The following GIP variants were observed in gnomAD, a reference collection of about 807,000 sequenced individuals.
GIP encodes glucose-dependent insulinotropic polypeptide.
A neutral mutation model predicts 18.1 loss-of-function variants in GIP; 16 were observed. The ratio of observed to expected loss-of-function variants is 0.88; its 90% CI spans 0.60 to 1.34. The LOEUF (loss-of-function observed/expected upper bound fraction) is 1.34, where lower values mean the gene tolerates loss of function less well. Ranked by LOEUF, GIP falls within the 40% of genes most tolerant of loss-of-function variation. The pLI is 0.00. For synonymous variants in GIP, 76 were observed against 74.0 expected, an observed-to-expected ratio of 1.03 and a Z score of -0.14; for missense variants, 192 against 183.4, an observed-to-expected ratio of 1.05 and a Z score of -0.27.
chr17:48,967,396 G>C, intron 1 of GIP, 143 bp from the exon 2 acceptor site: 2 of 556,724 alleles, frequency 3.6e-6, no homozygotes, highest in Admixed American at 3.2e-5. Flanking sequence ...GTCTCGCTCT[G>C]TCGTCCAGGT....
At position 48,961,784 on chromosome 17, in the gene GIP, G is replaced by A. The variant is rs762569609; in HGVS notation, c.293C>T (p.Ala98Val). ...ATTAGCTTGACTGGCCAGCTCCAGC[G>A]CCCGAGCCTCCCTCTGGGTGATGTT... is the stretch of plus-strand genomic sequence containing the variant. ...KHNITQREAR[A>V]LELASQANRK... Residue 98 changes from alanine to valine, a missense_variant, in exon 4 of 6, where the codon GCG (alanine) becomes GTG (valine). By Grantham distance (64) the Ala-to-Val change is moderately conservative. Coordinates refer to ENST00000357424, the MANE Select transcript of GIP (RefSeq NM_004123.3). 1.2e-5 allele frequency: 19 copies of A among 1,612,888 alleles called. No individual in the cohort carries two copies. Among genetic ancestry groups the A allele is most frequent in the Non-Finnish European group, 8.5e-6 (10 of 1,179,694 alleles).
intron 2 of GIP, among the ~76,000 whole-genome samples, chr17:48,966,709 A>G (rs1277440899): frequency 6.6e-6 from 1 of 152,096 alleles, no homozygotes; most frequent in Non-Finnish European, 1.5e-5. Flanking sequence ...CGGGAGGCTG[A>G]GATGGGAAGA....
rs1316012814 is a variant in GIP, at chr17:48,960,903, T to C, written c.435A>G (p.Thr145=). 1 of 1,601,568 alleles carries C rather than the reference T, an allele frequency of 6.2e-7. No homozygotes were observed. The highest frequency in any genetic ancestry group is 1.1e-5 in the South Asian group (1 of 88,496). ...TCCCCTACCTGAGCCTGCAGAGGTT[T>C]GTCTGATCCAGCAAGCAGGCCAACA... is the stretch of plus-strand genomic sequence containing the variant. ...QELLACLLDQ[T]NLCRLRSR Residue 145 remains threonine (T), a synonymous_variant, in exon 5 of 6, where the codon ACA becomes ACG. Transcript: ENST00000357424.
In GIP at chr17:48,958,684, TCCTGAGCTGGGTGTGGTCAGAGTCA is replaced by T. The variant is rs1188246922; in HGVS notation, c.460_*22del. On this transcript the variant is annotated stop_lost and 3_prime_UTR_variant, in exon 6 of 6. Transcript: ENST00000357424. ...GTGCTAAGTGAAGGGCAGAATCCAG[TCCTGAGCTGGGTGTGGTCAGAGTCA>T]CCGAGACCTGGGGAGAGTGGGGAAA... The T allele has an allele frequency of 1.9e-6, 3 of 1,574,438 alleles. No homozygotes were observed. In the African/African-American group the frequency reaches 4.1e-5, roughly 21 times the overall value.
chr17:48,962,932 G>C (rs568422061), intron 3 of GIP, among the ~76,000 whole-genome samples: 1 of 150,780 alleles, frequency 6.6e-6, no homozygotes, highest in Non-Finnish European at 1.5e-5. Flanking sequence ...GTGAAGCCCC[G>C]TCTCTACTAA....
intron 3 of GIP, among the ~76,000 whole-genome samples, chr17:48,963,934 C>T (rs2041216515): frequency 6.9e-6 from 1 of 145,346 alleles, no homozygotes; most frequent in Admixed American, 7.0e-5. Context: ...GCAGGTGGAT[C>T]ACGAGGTCAG....
In GIP at chr17:48,964,366, C is replaced by G; in HGVS notation, c.201G>C (p.Lys67Asn). 6.2e-7 allele frequency: 1 copy of G among 1,613,888 alleles called. No homozygotes were observed. The highest frequency in any genetic ancestry group is 8.5e-7 in the Non-Finnish European group (1 of 1,179,864). ...AGTTCACAAAGTCTTGTTGGTGAAT[C>G]TTGTCCATGGCAATACTGTAGTCAC... ...FISDYSIAMDKIHQQDFVNWL... is the reference protein window; with the variant it reads ...FISDYSIAMDNIHQQDFVNWL... Residue 67 changes from lysine to asparagine, a missense_variant, in exon 3 of 6, where the codon AAG becomes AAC. Transcript: ENST00000357424.
chr17:48,967,826 C>A (rs879764748), intron 1 of GIP, among the ~76,000 whole-genome samples: 7 of 149,606 alleles, frequency 4.7e-5, no homozygotes, highest in South Asian at 2.1e-4. Flanking sequence ...CCCAGGTGGG[C>A]GGATCACTTG....
chr17:48,963,096 A>G (rs955148427), intron 3 of GIP, among the ~76,000 whole-genome samples: 6 of 250 alleles, frequency 0.024, no homozygotes, highest in Admixed American at 0.12. Context: ...GACAGAGCAA[A>G]AAAAATCCGT....
rs2041181440 is a variant in GIP at position 48,958,623 on chromosome 17, G to T, written c.*84C>A. On this transcript the variant is annotated 3_prime_UTR_variant, in exon 6 of 6. Coordinates refer to ENST00000357424, the MANE Select transcript of GIP (RefSeq NM_004123.3). ...ACTTAGCATAAACTTTATTGGTTTGGGTTCTCTTGGCTATTCTGGAGTGGG... is the reference window on the plus strand; with the variant it reads ...ACTTAGCATAAACTTTATTGGTTTGTGTTCTCTTGGCTATTCTGGAGTGGG... 9.2e-7 allele frequency: 1 copy of T among 1,092,074 alleles called. No individual in the cohort carries two copies. The highest frequency in any genetic ancestry group is 1.4e-6 in the Non-Finnish European group (1 of 731,740). The allele number at this position is 1,092,074 out of a possible 1,614,324, so 67.6% of individuals were successfully genotyped here. A position where few individuals can be genotyped will look rare whatever the true frequency, so the allele number is the denominator to read the frequency against.
At position 48,962,454 on chromosome 17, in the gene GIP, C is replaced by T. The variant is rs527513249; in HGVS notation, c.258-635G>A. Among the ~76,000 whole-genome samples, 122 of 151,466 alleles carry T rather than the reference C, an allele frequency of 8.1e-4. 1 individual carries two copies. The highest frequency in any genetic ancestry group is 2.9e-3 in the African/African-American group (118 of 41,246). ...TGCAATCTCAGCTCACTGCAACGTC[C>T]GCCTCCAGGGTTCAAGCAATTCTCA... On this transcript the variant is annotated intron_variant, in intron 3 of 5. Transcript: ENST00000357424.
In GIP at chr17:48,967,154, G is replaced by A; in HGVS notation, c.79C>T (p.His27Tyr). ...TCCTCTCACCACTCCTACCTGAAGT[G>A]ACCCTCTTTCTTCTCTCCTAGTCCC... is the stretch of plus-strand genomic sequence containing the variant. ...AVGLGEKKEG[H>Y]FSALPSLPVG... is the part of the protein sequence containing the mutation. Residue 27 changes from histidine (H) to tyrosine (Y), a missense_variant, in exon 2 of 6, where the codon CAC (histidine) becomes TAC (tyrosine). His to Tyr is a moderately conservative substitution (Grantham distance 83). Coordinates refer to ENST00000357424, the MANE Select transcript of GIP (RefSeq NM_004123.3). 6.2e-7 allele frequency: 1 copy of A among 1,611,130 alleles called. No individual in the cohort carries two copies. Among genetic ancestry groups the A allele is most frequent in the Non-Finnish European group, 8.5e-7 (1 of 1,177,478 alleles).
At chr17:48,967,284 G>T in intron 1 of GIP, 31 bp from the exon 2 acceptor site, 1 of 1,442,524 alleles carries the variant, frequency 6.9e-7, no homozygotes, top group Non-Finnish European at 9.8e-7. Context: ...GACATGTTGA[G>T]AGAGCAACCA....
At chr17:48,965,161 C>T (rs1189025384) in intron 2 of GIP, among the ~76,000 whole-genome samples, 1 of 121,018 alleles carries the variant, frequency 8.3e-6, no homozygotes, top group Non-Finnish European at 1.7e-5. Flanking sequence ...ATTAGCCAGG[C>T]GTGGTGGCAC....
chr17:48,961,876 CTT>C (rs1182843042), intron 3 of GIP, 57 bp from the exon 4 acceptor site: 26 of 1,248,546 alleles, frequency 2.1e-5, no homozygotes, highest in Non-Finnish European at 3.0e-5. Flanking sequence ...TCTAGGGACA[CTT>C]GAATCTTTTA....
chr17:48,965,401 G>A (rs1426056306), intron 2 of GIP, among the ~76,000 whole-genome samples: 2 of 149,720 alleles, frequency 1.3e-5, no homozygotes, highest in Admixed American at 6.7e-5. Flanking sequence ...TCAGGAGATT[G>A]AGACCATCCT....
At chr17:48,966,999 A>G (rs1010479702) in intron 2 of GIP, 148 bp downstream of exon 2, 5 of 622,896 alleles carry the variant, frequency 8.0e-6, no homozygotes, top group Non-Finnish European at 1.4e-5. Context: ...CTCACTTTGC[A>G]CTCACGCTGC....
intron 1 of GIP, 101 bp from the exon 2 acceptor site, chr17:48,967,354 TTTTTC>T (rs377736369): frequency 9.5e-6 from 6 of 631,066 alleles, no homozygotes; most frequent in South Asian, 3.7e-5. Context: ...TTTCTTTTCC[TTTTTC>T]TTTTTTTTTT....
rs9909377 is a variant in GIP at position 48,960,396 on chromosome 17, T to G, written c.452+490A>C. ...GACACAGGATGGGCTCAGCTCTGTG[T>G]GTAGGGACAGGCAGGCCACAGGATG... On this transcript the variant is annotated intron_variant, in intron 5 of 5. Transcript: ENST00000357424. Among the ~76,000 whole-genome samples, 103 of 16,088 alleles carry G rather than the reference T, an allele frequency of 6.4e-3. 1 individual carries two copies. Among genetic ancestry groups the G allele is most frequent in the African/African-American group, 8.2e-3 (27 of 3,286 alleles). 10.6% of individuals were successfully genotyped at this position (16,088 alleles called of 152,430 possible). A position where few individuals can be genotyped will look rare whatever the true frequency, so the allele number is the denominator to read the frequency against.
Sources: allele counts gnomAD v4.1 joint callset (sites outside exome capture counted in the v4.1 genomes callset), GRCh38; gene constraint gnomAD v4.1.1; transcripts MANE v1.5; gene names NCBI Gene and HGNC (gene_info 2026-07-23, HGNC 2026-07-21).